The following PPP4R2 variants were observed in gnomAD, a reference collection of about 807,000 sequenced individuals.
The protein encoded by PPP4R2 is serine/threonine-protein phosphatase 4 regulatory subunit 2.
A neutral mutation model predicts 47.2 loss-of-function variants in PPP4R2; 13 were observed. That is an observed-to-expected ratio of 0.28 (90% CI 0.18 to 0.44). The LOEUF (loss-of-function observed/expected upper bound fraction) is 0.44, where lower values mean the gene tolerates loss of function less well. Among genes scored for constraint, PPP4R2 ranks in the 20% least tolerant of loss-of-function variants. The pLI is 1.00. For missense variants in PPP4R2, 421 were observed against 491.2 expected, an observed-to-expected ratio of 0.86 and a Z score of 1.35; for synonymous variants, 151 against 163.3, an observed-to-expected ratio of 0.92 and a Z score of 0.57.
intron 2 of PPP4R2, among the ~76,000 whole-genome samples, chr3:73,003,532 T>C (rs543948017): frequency 6.6e-6 from 1 of 152,212 alleles, no homozygotes; most frequent in Non-Finnish European, 1.5e-5. Context: ...CTTTTAACTG[T>C]CAATCTTAGT....
Position 73,032,447 on chromosome 3 carries a change from C to T in PPP4R2, c.117-14739C>T, listed in dbSNP as rs564627421. 1.0e-3 allele frequency among the ~76,000 whole-genome samples: 154 copies of T among 152,130 alleles called. 1 individual carries two copies. Among genetic ancestry groups the T allele is most frequent in the Non-Finnish European group, 1.8e-3 (124 of 68,012 alleles). On this transcript the variant is annotated intron_variant, in intron 2 of 8. Coordinates refer to ENST00000356692, the MANE Select transcript of PPP4R2 (RefSeq NM_174907.4). The stretch of plus-strand genomic sequence containing the variant: ...GAGATTACAGGCAGGCACCACCATG[C>T]CCAGCTAATTTTTGTATTTTTAGTA...
intron 2 of PPP4R2, among the ~76,000 whole-genome samples, chr3:73,035,808 T>C (rs1559558256): frequency 6.6e-6 from 1 of 152,084 alleles, no homozygotes; most frequent in Non-Finnish European, 1.5e-5. Flanking sequence ...ATATTTTTAG[T>C]AGAGACGGGC....
intron 2 of PPP4R2, among the ~76,000 whole-genome samples, chr3:73,012,533 C>T (rs1356348950): frequency 1.3e-5 from 2 of 152,168 alleles, no homozygotes; most frequent in South Asian, 2.1e-4. Context: ...GATCTCCTGA[C>T]CTCATGATCC....
Position 73,025,506 on chromosome 3 carries a change from T to C in PPP4R2, c.117-21680T>C, listed in dbSNP as rs954758809. Among the ~76,000 whole-genome samples, 4 of 152,222 alleles carry C rather than the reference T, an allele frequency of 2.6e-5. No individual in the cohort carries two copies. In the South Asian group the frequency reaches 6.2e-4, roughly 24 times the overall value. On this transcript the variant is annotated intron_variant, in intron 2 of 8. Coordinates refer to ENST00000356692, the MANE Select transcript of PPP4R2 (RefSeq NM_174907.4). ...AAAAAAGACGTAGAACTGGTGATTA[T>C]GGTCTGGGGAAGAATATAATAGTTG...
chr3:73,045,644 A>G (rs998134394), intron 2 of PPP4R2, among the ~76,000 whole-genome samples: 2 of 150,396 alleles, frequency 1.3e-5, no homozygotes, highest in African/African-American at 4.9e-5. Flanking sequence ...TCCTTGCCTC[A>G]GCCTCCTGTG....
intron 1 of PPP4R2, among the ~76,000 whole-genome samples, chr3:72,997,719 A>G (rs1045999174): frequency 6.6e-6 from 1 of 152,166 alleles, no homozygotes; most frequent in Non-Finnish European, 1.5e-5. Flanking sequence ...TTAGAAAGGC[A>G]GATTTATGGA....
chr3:73,028,845 C>A lies in PPP4R2; in HGVS notation c.117-18341C>A, dbSNP rs113670772. Among the ~76,000 whole-genome samples the A allele has an allele frequency of 6.6e-5, 10 of 151,844 alleles. 1 individual carries two copies. The highest frequency in any genetic ancestry group is 2.4e-4 in the African/African-American group (10 of 41,182). On this transcript the variant is annotated intron_variant, in intron 2 of 8. Coordinates refer to ENST00000356692, the MANE Select transcript of PPP4R2 (RefSeq NM_174907.4). ...GCCACTGTGGCTGAAGTAGACTGAT[C>A]AAGGAGAGGAGGAGGTAAAGGGAAT...
Position 73,065,152 on chromosome 3 carries a change from A to T in PPP4R2, c.928+11A>T, listed in dbSNP as rs1198409509. ...AAGAGGAAGAAGAAGGTATTTAGAG[A>T]CCATCTGTAAAAGGGTGGAGTAAGG... On this transcript the variant is annotated intron_variant, in intron 8 of 8. Transcript: ENST00000356692. 1 of 1,587,890 alleles carries T rather than the reference A, an allele frequency of 6.3e-7. No homozygotes were observed. Among genetic ancestry groups the T allele is most frequent in the Non-Finnish European group, 8.6e-7 (1 of 1,169,180 alleles).
intron 2 of PPP4R2, among the ~76,000 whole-genome samples, chr3:73,044,292 G>T (rs1702440024): frequency 6.6e-6 from 1 of 152,084 alleles, no homozygotes; most frequent in Admixed American, 6.6e-5. Context: ...GTTCCTACCA[G>T]CAATGCACAA....
rs1207004285 is a variant in PPP4R2, at chr3:73,065,947, T to G, written c.*225T>G. On this transcript the variant is annotated 3_prime_UTR_variant, in exon 9 of 9. Transcript: ENST00000356692. ...CGCTGACTTTTCTTTCTTTCTTTTTTTGGTCTGGGCAAATCAGTGGTTTGT... is the reference window on the plus strand; with the variant it reads ...CGCTGACTTTTCTTTCTTTCTTTTTGTGGTCTGGGCAAATCAGTGGTTTGT... 1 of 332,346 alleles carries G rather than the reference T, an allele frequency of 3.0e-6. No homozygotes were observed. Among genetic ancestry groups the G allele is most frequent in the Non-Finnish European group, 5.4e-6 (1 of 184,342 alleles). 20.6% of individuals were successfully genotyped at this position (332,346 alleles called of 1,614,324 possible).
At chr3:73,033,949 G>A (rs1018336420) in intron 2 of PPP4R2, among the ~76,000 whole-genome samples, 15 of 152,138 alleles carry the variant, frequency 9.9e-5, no homozygotes, top group Admixed American at 9.8e-4. Context: ...TGGATCATAC[G>A]GTAGTTCTGT....
At chr3:73,027,550 G>A (rs897606792) in intron 2 of PPP4R2, among the ~76,000 whole-genome samples, 1 of 152,044 alleles carries the variant, frequency 6.6e-6, no homozygotes, top group Non-Finnish European at 1.5e-5. Context: ...CCCACAGAGT[G>A]GGCTTCAGGA....
chr3:73,033,067 G>T (rs2107280708), intron 2 of PPP4R2, among the ~76,000 whole-genome samples: 1 of 152,092 alleles, frequency 6.6e-6, no homozygotes, highest in African/African-American at 2.4e-5. Context: ...TTAACTTTTT[G>T]TGTTGGAGTC....
chr3:73,018,443 GTTATGTTAT>G lies in PPP4R2; in HGVS notation c.116+20295_116+20303del, dbSNP rs770126135. Among the ~76,000 whole-genome samples the G allele has an allele frequency of 3.7e-3, 390 of 104,258 alleles. 7 individuals are homozygous for G. Among genetic ancestry groups the G allele is most frequent in the African/African-American group, 0.012 (278 of 23,804 alleles). 68.4% of individuals were successfully genotyped at this position (104,258 alleles called of 152,430 possible). A position where few individuals can be genotyped will look rare whatever the true frequency, so the allele number is the denominator to read the frequency against. On this transcript the variant is annotated intron_variant, in intron 2 of 8. Coordinates refer to ENST00000356692, the MANE Select transcript of PPP4R2 (RefSeq NM_174907.4). Reference sequence around the variant, plus strand: ...GTTATGTTATGTTATGTTATGTTATGTTATGTTATTTATGTTATGTTAGTATCCGAAACA... The same window carrying G: ...GTTATGTTATGTTATGTTATGTTATGTTATGTTATGTTAGTATCCGAAACA...
At chr3:73,022,591 T>A (rs1011044962) in intron 2 of PPP4R2, among the ~76,000 whole-genome samples, 5 of 152,178 alleles carry the variant, frequency 3.3e-5, no homozygotes, top group African/African-American at 9.7e-5. Context: ...ATTCCAAAGA[T>A]TTTGACACAA....
At chr3:73,017,666 C>G (rs908456912) in intron 2 of PPP4R2, among the ~76,000 whole-genome samples, 2 of 151,782 alleles carry the variant, frequency 1.3e-5, no homozygotes, top group Non-Finnish European at 2.9e-5. Context: ...TTTGGAAACT[C>G]TTGACAAAGT....
chr3:73,049,995 C>T lies in PPP4R2; in HGVS notation c.287+2639C>T, dbSNP rs150381040. Among the ~76,000 whole-genome samples, 1,458 of 152,238 alleles carry T rather than the reference C, an allele frequency of 9.6e-3. 10 individuals carry two copies. The highest frequency in any genetic ancestry group is 0.013 in the Non-Finnish European group (885 of 68,016). The stretch of plus-strand genomic sequence containing the variant: ...AGTCTTTGTCACCCAGGCTGGAGTG[C>T]AGTGGCACCATCTGGGCTCACTGCA... On this transcript the variant is annotated intron_variant, in intron 3 of 8. Coordinates refer to ENST00000356692, the MANE Select transcript of PPP4R2 (RefSeq NM_174907.4).
rs1703052704 is a variant in PPP4R2, at chr3:73,068,820, AAAT to A, written c.*3099_*3101del. 6.6e-6 allele frequency: 1 copy of A among 152,358 alleles called. No individual in the cohort carries two copies. Among genetic ancestry groups the A allele is most frequent in the African/African-American group, 2.4e-5 (1 of 41,592 alleles). 9.4% of individuals were successfully genotyped at this position (152,358 alleles called of 1,614,324 possible). A position where few individuals can be genotyped will look rare whatever the true frequency, so the allele number is the denominator to read the frequency against. On this transcript the variant is annotated 3_prime_UTR_variant, in exon 9 of 9. Coordinates refer to ENST00000356692, the MANE Select transcript of PPP4R2 (RefSeq NM_174907.4). Reference sequence around the variant, plus strand: ...CTGCTACAATGTTTGATTATGAAAAAAATGTAACATGGTAAGGATGAAAATGCA... The same window carrying A: ...CTGCTACAATGTTTGATTATGAAAAAGTAACATGGTAAGGATGAAAATGCA...
rs917233308 is a variant in PPP4R2, at chr3:73,049,301, A to G, written c.287+1945A>G. Among the ~76,000 whole-genome samples the G allele has an allele frequency of 3.3e-5, 5 of 152,128 alleles. No homozygotes were observed. In the South Asian group the frequency reaches 1.0e-3, roughly 32 times the overall value. On this transcript the variant is annotated intron_variant, in intron 3 of 8. Coordinates refer to ENST00000356692, the MANE Select transcript of PPP4R2 (RefSeq NM_174907.4). ...ATCACTAGGTCAGGAGATTGAGACC[A>G]TCCTGGCTAACACGGTGAAACCCCG...
Sources: gnomAD v4.1 joint callset for allele counts (sites outside exome capture counted in the v4.1 genomes callset) on GRCh38, gnomAD v4.1.1 for gene constraint, MANE v1.5 for transcripts, NCBI Gene and HGNC (gene_info 2026-07-23, HGNC 2026-07-21) for gene names.